SYT1: variants seen among roughly 807,000 people sequenced by gnomAD.
The protein encoded by SYT1 is synaptotagmin 1, also known as synaptotagmin-1.
A neutral mutation model predicts 44.8 loss-of-function variants in SYT1; 8 were observed. The observed-to-expected ratio is 0.18, with a 90% CI of 0.10 to 0.32. The LOEUF (loss-of-function observed/expected upper bound fraction) is 0.32. SYT1 is among the 10% of genes least tolerant of loss of function. The probability of loss-of-function intolerance (pLI) is 1.00; values close to 1 mark genes in which losing one functional copy is unlikely to be tolerated. For missense variants in SYT1, 286 were observed against 509.3 expected, an observed-to-expected ratio of 0.56 and a Z score of 4.22; for synonymous variants, 154 against 188.8, an observed-to-expected ratio of 0.82 and a Z score of 1.51.
chr12:78,963,687 G>T (rs915607400), intron 1 of SYT1, among the ~76,000 whole-genome samples: 2 of 152,082 alleles, frequency 1.3e-5, no homozygotes, highest in Admixed American at 6.6e-5. Context: ...TGCTGGCAAG[G>T]TTGTGGAGAA....
At chr12:79,408,501 C>T (rs191760605) in intron 9 of SYT1, among the ~76,000 whole-genome samples, 123 of 152,200 alleles carry the variant, frequency 8.1e-4, no homozygotes, top group Middle Eastern at 3.4e-3. Context: ...AGTCATTTAG[C>T]GAGGTGATTC....
chr12:79,014,075 A>G (rs1871614976), intron 2 of SYT1, among the ~76,000 whole-genome samples: 1 of 140,206 alleles, frequency 7.1e-6, no homozygotes, highest in Non-Finnish European at 1.5e-5. Flanking sequence ...CAGTGAGCTG[A>G]GATTGTGCCA....
At chr12:79,022,429 A>G (rs1872254428) in intron 2 of SYT1, among the ~76,000 whole-genome samples, 1 of 151,838 alleles carries the variant, frequency 6.6e-6, no homozygotes, top group Non-Finnish European at 1.5e-5. Context: ...TATTTTCATT[A>G]TAATACCATT....
intron 8 of SYT1, among the ~76,000 whole-genome samples, chr12:79,310,231 A>T (rs1281957510): frequency 6.6e-6 from 1 of 152,104 alleles, no homozygotes; most frequent in African/African-American, 2.4e-5. Flanking sequence ...AGCTTTCTAC[A>T]TATGGCTAGC....
At chr12:79,409,642 C>T (rs1378429625) in intron 9 of SYT1, among the ~76,000 whole-genome samples, 2 of 152,062 alleles carry the variant, frequency 1.3e-5, no homozygotes, top group South Asian at 2.1e-4. Context: ...AGCCAGTTTT[C>T]AGTTTTATTA....
chr12:79,099,868 G>A (rs749488580), intron 3 of SYT1, among the ~76,000 whole-genome samples: 2 of 151,928 alleles, frequency 1.3e-5, no homozygotes, highest in Non-Finnish European at 2.9e-5. Flanking sequence ...CTCCTAATCC[G>A]GATCCTCTAA....
At chr12:78,978,080 C>T (rs1046195140) in intron 2 of SYT1, 149 bp downstream of exon 2, 1 of 152,128 alleles carries the variant, frequency 6.6e-6, no homozygotes, top group Non-Finnish European at 1.5e-5. Flanking sequence ...TTTAAAAATT[C>T]TTGTGATATT....
At chr12:78,972,532 A>G (rs563526202) in intron 1 of SYT1, among the ~76,000 whole-genome samples, 4 of 135,118 alleles carry the variant, frequency 3.0e-5, no homozygotes, top group African/African-American at 8.4e-5. Flanking sequence ...TTCTCAGCAA[A>G]AAAAAAATAT....
At chr12:79,178,968 A>ATATATCTATATAGATATAAATATATC (rs1872105948) in intron 3 of SYT1, among the ~76,000 whole-genome samples, 1 of 27,794 alleles carries the variant, frequency 3.6e-5, no homozygotes, top group Non-Finnish European at 6.5e-5. Context: ...ATAGATATAG[A>ATATATCTATATAGATATAAATATATC]TATATAGATA....
chr12:79,244,515 G>A (rs976235961), intron 4 of SYT1, among the ~76,000 whole-genome samples: 3 of 152,034 alleles, frequency 2.0e-5, no homozygotes, highest in Non-Finnish European at 2.9e-5. Flanking sequence ...AGACCAGCCT[G>A]GCCAACATGG....
intron 1 of SYT1, among the ~76,000 whole-genome samples, chr12:78,938,871 T>C (rs148112267): frequency 7.6e-4 from 116 of 152,292 alleles, no homozygotes; most frequent in African/African-American, 2.6e-3. Context: ...GATTAGCAGA[T>C]TAGAAATTGA....
chr12:79,170,918 A>C (rs570135154), intron 3 of SYT1, among the ~76,000 whole-genome samples: 64 of 152,190 alleles, frequency 4.2e-4, no homozygotes, highest in African/African-American at 1.5e-3. Context: ...ATGCCTAGCC[A>C]ATTATCCCAG....
chr12:79,067,799 T>C (rs1260169749), intron 3 of SYT1, among the ~76,000 whole-genome samples: 1 of 152,188 alleles, frequency 6.6e-6, no homozygotes, highest in Admixed American at 6.6e-5. Context: ...CACTTCTTTA[T>C]CCTGGCATAC....
chr12:78,894,330 GTTTTTTTTTTTTTTTTTTTT>G (rs566175647), intron 1 of SYT1, among the ~76,000 whole-genome samples: 11 of 27,710 alleles, frequency 4.0e-4, no homozygotes, highest in African/African-American at 4.8e-4. Flanking sequence ...TTTTTAATCT[GTTTTTTTTTTTTTTTTTTTT>G]TTTTTTTTTT....
At chr12:79,288,874 C>T (rs1219481597) in intron 5 of SYT1, among the ~76,000 whole-genome samples, 1 of 152,120 alleles carries the variant, frequency 6.6e-6, no homozygotes, top group Non-Finnish European at 1.5e-5. Context: ...CATCCCTAGT[C>T]AACGCTCAGA....
At chr12:78,882,634 G>C (rs549065554) in intron 1 of SYT1, among the ~76,000 whole-genome samples, 1 of 151,508 alleles carries the variant, frequency 6.6e-6, no homozygotes, top group African/African-American at 2.4e-5. Flanking sequence ...AAAATATTTC[G>C]GTAAACCCTA....
chr12:79,221,923 T>A lies in SYT1; in HGVS notation c.166+4238T>A, dbSNP rs752363473. ...ATACTTTTAAATGTTTTTGTGTTAA[T>A]CATTAGCAACTTTTTTTTTAACTTG... On this transcript the variant is annotated intron_variant, in intron 4 of 10. Coordinates refer to ENST00000261205, the MANE Select transcript of SYT1 (RefSeq NM_005639.3). 4.2e-4 allele frequency among the ~76,000 whole-genome samples: 64 copies of A among 152,170 alleles called. 1 individual carries two copies. The highest frequency in any genetic ancestry group is 1.6e-4 in the Non-Finnish European group (11 of 68,022).
At chr12:79,423,811 T>C (rs956848165) in intron 9 of SYT1, among the ~76,000 whole-genome samples, 4 of 151,616 alleles carry the variant, frequency 2.6e-5, no homozygotes, top group African/African-American at 9.7e-5. Flanking sequence ...CCTATACAGA[T>C]GGAGGCAAGC....
chr12:79,311,227 C>G (rs1420600564), intron 8 of SYT1, among the ~76,000 whole-genome samples: 2 of 152,126 alleles, frequency 1.3e-5, no homozygotes, highest in African/African-American at 2.4e-5. Context: ...AGACACTTCT[C>G]AAAAGAAGAC....
Sources: gnomAD v4.1 joint callset for allele counts (sites outside exome capture counted in the v4.1 genomes callset) on GRCh38, gnomAD v4.1.1 for gene constraint, MANE v1.5 for transcripts, NCBI Gene and HGNC (gene_info 2026-07-23, HGNC 2026-07-21) for gene names.